Variants in GMPR observed in about 807,000 individuals in gnomAD.
GMPR encodes guanosine monophosphate reductase, also known as GMP reductase 1.
Under a neutral mutation model 38.4 loss-of-function variants are expected in GMPR, and 31 were observed. The ratio of observed to expected loss-of-function variants is 0.81; its 90% CI spans 0.61 to 1.09. The LOEUF (loss-of-function observed/expected upper bound fraction) is 1.09, where lower values mean the gene tolerates loss of function less well. Among genes scored for constraint, GMPR ranks in the 50% least tolerant of loss-of-function variants. The pLI, the probability that GMPR is intolerant of heterozygous loss-of-function variation, is 0.00. For missense variants in GMPR, 468 were observed against 453.7 expected, an observed-to-expected ratio of 1.03 and a Z score of -0.29; for synonymous variants, 162 against 173.3, an observed-to-expected ratio of 0.93 and a Z score of 0.51.
chr6:16,264,323 TA>T, intron 4 of GMPR: 1 of 224,296 alleles, frequency 4.5e-6, no homozygotes, highest in Non-Finnish European at 8.6e-6. Context: ...GAGAAGAGAG[TA>T]AAAAGAGGCC....
rs1436044881 is a variant in GMPR, at chr6:16,290,490, A to G, written c.726A>G (p.Gly242=). ...FGAGADFVML[G]GMFSGHTECA... is the part of the protein sequence containing the mutation. The stretch of plus-strand genomic sequence containing the variant: ...CTGGAGCAGATTTTGTCATGCTGGG[A>G]GGAATGTTTTCGGGTCATACGGAGT... The change falls in exon 8 of 9, where the codon GGA becomes GGG. Residue 242 remains glycine (G), a synonymous_variant. Coordinates refer to ENST00000259727, the MANE Select transcript of GMPR (RefSeq NM_006877.4). 4 of 1,614,016 alleles carry G rather than the reference A, an allele frequency of 2.5e-6. No homozygotes were observed. In the South Asian group the frequency reaches 3.3e-5, roughly 13 times the overall value.
Position 16,295,178 on chromosome 6 carries a change from T to A in GMPR, c.1030T>A (p.Phe344Ile). Residue 344 changes from phenylalanine (F) to isoleucine (I), a missense_variant, in exon 9 of 9, where the codon TTC becomes ATC. By Grantham distance (21) the Phe-to-Ile change is conservative (BLOSUM62 0). Transcript: ENST00000259727. ...GGTGACCCAGCAGCACAACACCGTGTTCAGCTAACCCTGGGGACAAAGCAG... is the reference window on the plus strand; with the variant it reads ...GGTGACCCAGCAGCACAACACCGTGATCAGCTAACCCTGGGGACAAAGCAG... ...IRVTQQHNTV[F>I]S The A allele has an allele frequency of 1.6e-5, 24 of 1,520,668 alleles. No homozygotes were observed. The highest frequency in any genetic ancestry group is 2.1e-5 in the Non-Finnish European group (24 of 1,140,960). 94.2% of individuals were successfully genotyped at this position (1,520,668 alleles called of 1,614,324 possible).
At chr6:16,262,825 G>A (rs375371874) in intron 4 of GMPR, 2 of 151,970 alleles carry the variant, frequency 1.3e-5, no homozygotes, top group South Asian at 2.1e-4. Context: ...GAGCCTAAAC[G>A]CTATCCGATT....
rs1489096890 is a variant in GMPR at position 16,266,976 on chromosome 6, C to CGT, written c.466-7439_466-7438insGT. ...CCTGAAGTCGGCGTAGACCATGAACCCACGAGGAGGAACGAACAACTCTGG... is the reference window on the plus strand; with the variant it reads ...CCTGAAGTCGGCGTAGACCATGAACCGTCACGAGGAGGAACGAACAACTCTGG... On this transcript the variant is annotated intron_variant, in intron 4 of 8. Coordinates refer to ENST00000259727, the MANE Select transcript of GMPR (RefSeq NM_006877.4). 5.3e-4 allele frequency among the ~76,000 whole-genome samples: 80 copies of CGT among 151,630 alleles called. 2 individuals are homozygous for CGT. The highest frequency in any genetic ancestry group is 1.8e-3 in the African/African-American group (73 of 41,358).
At chr6:16,239,795 G>C (rs1358045936) in intron 1 of GMPR, among the ~76,000 whole-genome samples, 1 of 152,280 alleles carries the variant, frequency 6.6e-6, no homozygotes. Context: ...CCGAGGGCTT[G>C]CTTGGATTGG....
At chr6:16,264,883 G>C (rs139149066) in intron 4 of GMPR, among the ~76,000 whole-genome samples, 2,100 of 152,340 alleles carry the variant, frequency 0.014, 71 homozygotes, top group East Asian at 0.081. Context: ...CTTGGGCTCA[G>C]AGGCCTGACA....
intron 6 of GMPR, among the ~76,000 whole-genome samples, chr6:16,285,167 C>A (rs1759655408): frequency 6.6e-6 from 1 of 152,298 alleles, no homozygotes; most frequent in African/African-American, 2.4e-5. Context: ...AACAGACTGG[C>A]CCTGCTACAC....
chr6:16,261,849 G>GT (rs1386854766), intron 4 of GMPR, among the ~76,000 whole-genome samples: 2 of 151,784 alleles, frequency 1.3e-5, no homozygotes, highest in Admixed American at 6.7e-5. Context: ...AAGGTTGGGG[G>GT]ATACAAGAGG....
intron 7 of GMPR, 53 bp downstream of exon 7, chr6:16,285,888 C>T: frequency 7.0e-7 from 1 of 1,438,706 alleles, no homozygotes; most frequent in South Asian, 1.2e-5. Context: ...AGGGAGCTCC[C>T]TACACCTCTC....
Position 16,238,697 on chromosome 6 carries a change from C to A in GMPR, c.4C>A (p.Pro2Thr). 2.1e-6 allele frequency: 3 copies of A among 1,411,464 alleles called. No homozygotes were observed. Among genetic ancestry groups the A allele is most frequent in the Non-Finnish European group, 2.8e-6 (3 of 1,067,488 alleles). 87.4% of individuals were successfully genotyped at this position (1,411,464 alleles called of 1,614,324 possible). Residue 2 changes from proline (P) to threonine (T), a missense_variant, in exon 1 of 9, where the codon CCC (proline) becomes ACC (threonine). Coordinates refer to ENST00000259727, the MANE Select transcript of GMPR (RefSeq NM_006877.4). M[P>T]RIDADLKLDF... ...CGCAGCCAGGAGCCGCTGCACCATG[C>A]CCCGCATAGATGCGGACCTCAAGCT... is the stretch of plus-strand genomic sequence containing the variant.
intron 4 of GMPR, among the ~76,000 whole-genome samples, chr6:16,267,145 C>T (rs999936480): frequency 1.9e-4 from 29 of 152,094 alleles, no homozygotes; most frequent in Non-Finnish European, 7.4e-5. Context: ...GGGCGGATCA[C>T]CAGGTCAGGA....
intron 4 of GMPR, among the ~76,000 whole-genome samples, chr6:16,257,818 A>T (rs1044475449): frequency 2.6e-5 from 4 of 152,172 alleles, no homozygotes; most frequent in Non-Finnish European, 5.9e-5. Context: ...AATCGCATTC[A>T]TGAAGGCTGC....
chr6:16,276,360 G>A (rs1263874594), intron 5 of GMPR, among the ~76,000 whole-genome samples: 4 of 151,992 alleles, frequency 2.6e-5, no homozygotes, highest in Admixed American at 6.5e-5. Context: ...TAGTGGAGAC[G>A]GGGTTTCACC....
At chr6:16,238,810 T>C in intron 1 of GMPR, 30 bp downstream of exon 1, 1 of 1,305,678 alleles carries the variant, frequency 7.7e-7, no homozygotes, top group Non-Finnish European at 1.0e-6. Context: ...CGCAGTGGGG[T>C]GGGATTTTTT....
chr6:16,274,317 T>A, intron 4 of GMPR, 98 bp from the exon 5 acceptor site: 3 of 801,960 alleles, frequency 3.7e-6, no homozygotes, highest in Non-Finnish European at 6.4e-6. Context: ...GCCTGGTGGC[T>A]TTAGGACATG....
At chr6:16,257,297 T>C (rs951304879) in intron 4 of GMPR, among the ~76,000 whole-genome samples, 7 of 152,190 alleles carry the variant, frequency 4.6e-5, no homozygotes, top group African/African-American at 1.7e-4. Flanking sequence ...GACCTCACCC[T>C]ATGTCTCGCT....
chr6:16,264,973 C>G (rs890127713), intron 4 of GMPR, among the ~76,000 whole-genome samples: 1 of 152,138 alleles, frequency 6.6e-6, no homozygotes, highest in Non-Finnish European at 1.5e-5. Flanking sequence ...AGAAAAGGTC[C>G]TATTGAGGGG....
At chr6:16,240,188 A>C (rs1291601050) in intron 1 of GMPR, among the ~76,000 whole-genome samples, 2 of 152,238 alleles carry the variant, frequency 1.3e-5, no homozygotes, top group Non-Finnish European at 2.9e-5. Context: ...CAAAACAAAG[A>C]TATACCTATT....
chr6:16,243,943 G>A (rs900614200), intron 1 of GMPR, among the ~76,000 whole-genome samples: 1 of 152,186 alleles, frequency 6.6e-6, no homozygotes, highest in Non-Finnish European at 1.5e-5. Context: ...AAGTACGTGG[G>A]TATGCACACA....
Sources: allele counts gnomAD v4.1 joint callset (sites outside exome capture counted in the v4.1 genomes callset), GRCh38; gene constraint gnomAD v4.1.1; transcripts MANE v1.5; gene names NCBI Gene and HGNC (gene_info 2026-07-23, HGNC 2026-07-21).